Variants in TANGO2 observed in about 807,000 individuals in gnomAD.
TANGO2 encodes the protein transport and Golgi organization protein 2 homolog.
Under a neutral mutation model 39.1 loss-of-function variants are expected in TANGO2, and 26 were observed. That is an observed-to-expected ratio of 0.67 (90% confidence interval 0.49 to 0.92). The LOEUF is 0.92. Ranked by LOEUF, TANGO2 falls within the 40% of genes least tolerant of loss-of-function variation. The pLI, the probability that TANGO2 is intolerant of heterozygous loss-of-function variation, is 0.00. For synonymous variants in TANGO2, 131 were observed against 144.5 expected (o/e 0.91, Z 0.67); for missense variants, 326 against 360.1 (o/e 0.91, Z 0.77).
At chr22:20,063,297 C>T in intron 7 of TANGO2, 41 bp from the exon 8 acceptor site, 3 of 1,594,640 alleles carry the variant, frequency 1.9e-6, no homozygotes, top group Non-Finnish European at 1.7e-6. Flanking sequence ...GCGGGCGGGC[C>T]ACAGAGGGAC....
intron 1 of TANGO2, among the ~76,000 whole-genome samples, chr22:20,034,209 A>C (rs2531723): frequency 0.036 from 5,391 of 150,030 alleles, 154 homozygotes; most frequent in South Asian, 0.081. Flanking sequence ...ACAACAACAA[A>C]AAAAAACCGA....
At chr22:20,037,894 C>A (rs551531015) in intron 2 of TANGO2, among the ~76,000 whole-genome samples, 21 of 152,036 alleles carry the variant, frequency 1.4e-4, no homozygotes, top group Non-Finnish European at 2.9e-4. Flanking sequence ...TCAGGAGATC[C>A]AGACCATCCT....
In TANGO2 at chr22:20,055,836, A is replaced by C. The variant is rs16982930; in HGVS notation, c.381-107A>C. The C allele has an allele frequency of 2.5e-3, 2,509 of 1,001,192 alleles. 46 individuals are homozygous for C. In the African/African-American group the frequency reaches 0.035, roughly 14 times the overall value. The allele number at this position is 1,001,192 out of a possible 1,614,324, so 62.0% of individuals were successfully genotyped here. A position where few individuals can be genotyped will look rare whatever the true frequency, so the allele number is the denominator to read the frequency against. ...GCTCCTGACCTGGCCGCAGCGGGCT[A>C]CTGCGCACATCGCTAGCCTCCAGAA... On this transcript the variant is annotated intron_variant, in intron 5 of 8. Transcript: ENST00000327374.
chr22:20,018,780 C>T (rs967687849), upstream of TANGO2, among the ~76,000 whole-genome samples: 1 of 152,132 alleles, frequency 6.6e-6, no homozygotes, highest in African/African-American at 2.4e-5. Context: ...AGCCAGGGGT[C>T]AGAAACACAA....
intron 2 of TANGO2, among the ~76,000 whole-genome samples, chr22:20,038,864 G>A (rs1204229235): frequency 1.3e-5 from 2 of 152,038 alleles, no homozygotes; most frequent in Non-Finnish European, 2.9e-5. Context: ...TACCCAGCTA[G>A]GCTGGGCTGG....
intron 5 of TANGO2, 44 bp from the exon 6 acceptor site, chr22:20,055,899 C>T (rs753428436): frequency 3.3e-5 from 50 of 1,531,956 alleles, no homozygotes; most frequent in African/African-American, 2.5e-4. Flanking sequence ...TCGGGGAGGA[C>T]GCCCTATGGC....
intron 1 of TANGO2, among the ~76,000 whole-genome samples, chr22:20,024,506 G>T (rs1301368146): frequency 6.6e-6 from 1 of 152,254 alleles, no homozygotes; most frequent in Non-Finnish European, 1.5e-5. Context: ...CACCGCTGAT[G>T]GAGTGGGGAT....
chr22:20,048,786 A>G (rs2045747607), intron 3 of TANGO2, among the ~76,000 whole-genome samples: 1 of 152,042 alleles, frequency 6.6e-6, no homozygotes, highest in Non-Finnish European at 1.5e-5. Context: ...AGCTGGGACT[A>G]CAAGCATGCA....
intron 7 of TANGO2, chr22:20,062,871 AG>A (rs1199128703): frequency 6.4e-6 from 1 of 157,002 alleles, no homozygotes; most frequent in Non-Finnish European, 1.4e-5. Flanking sequence ...CTGTAATCCC[AG>A]CACTTTGGGA....
At chr22:20,020,123 T>A (rs555900373), upstream of TANGO2, among the ~76,000 whole-genome samples, 1 of 152,336 alleles carries the variant, frequency 6.6e-6, no homozygotes, top group Non-Finnish European at 1.5e-5. Flanking sequence ...GCTTGCCACC[T>A]TTTTCAACTT....
chr22:20,056,712 G>A (rs2147664340), intron 6 of TANGO2: 1 of 456,688 alleles, frequency 2.2e-6, no homozygotes, highest in African/African-American at 2.0e-5. Context: ...TCTTGTCCCA[G>A]GTCTGGTGCC....
intron 5 of TANGO2, 123 bp from the exon 6 acceptor site, chr22:20,055,820 C>T: frequency 2.4e-6 from 2 of 850,998 alleles, no homozygotes; most frequent in Non-Finnish European, 3.8e-6. Context: ...AGCTCCTGAC[C>T]TGGCCGCAGC....
chr22:20,046,031 C>T (rs1030752128), intron 3 of TANGO2, among the ~76,000 whole-genome samples: 1 of 152,112 alleles, frequency 6.6e-6, no homozygotes, highest in Admixed American at 6.5e-5. Context: ...GTCATATAGT[C>T]TCCTCCCTGA....
intron 3 of TANGO2, among the ~76,000 whole-genome samples, chr22:20,049,103 C>T (rs1298705855): frequency 6.6e-6 from 1 of 152,032 alleles, no homozygotes; most frequent in Non-Finnish European, 1.5e-5. Flanking sequence ...TATGTTTGGT[C>T]TATGATTTAT....
intron 6 of TANGO2, among the ~76,000 whole-genome samples, chr22:20,060,954 G>T (rs901627678): frequency 1.3e-5 from 2 of 152,112 alleles, no homozygotes; most frequent in Admixed American, 1.3e-4. Context: ...CATGCCTTCT[G>T]CCAACACTCT....
At chr22:20,024,297 A>G (rs1601796741) in intron 1 of TANGO2, among the ~76,000 whole-genome samples, 2 of 152,334 alleles carry the variant, frequency 1.3e-5, no homozygotes. Context: ...AGGAGGGAGC[A>G]GGGCATTGCA....
chr22:20,064,069 G>A (rs1362705492), intron 8 of TANGO2, among the ~76,000 whole-genome samples: 1 of 152,186 alleles, frequency 6.6e-6, no homozygotes, highest in Admixed American at 6.5e-5. Context: ...CTGAATGTTT[G>A]CTTCAGGTGG....
At position 20,060,266 on chromosome 22, in the gene TANGO2, G is replaced by A. The variant is rs534059110; in HGVS notation, c.452-1264G>A. 7.3e-5 allele frequency among the ~76,000 whole-genome samples: 11 copies of A among 150,392 alleles called. No individual in the cohort carries two copies. In the East Asian group the frequency reaches 8.0e-4, roughly 11 times the overall value. On this transcript the variant is annotated intron_variant, in intron 6 of 8. Coordinates refer to ENST00000327374, the MANE Select transcript of TANGO2 (RefSeq NM_152906.7). Reference sequence around the variant, plus strand: ...TGGGAGGCTGAGACAGGAGAATGGCGTGAACCCGGGAGGTGGAGCTTGCAG... The same window carrying A: ...TGGGAGGCTGAGACAGGAGAATGGCATGAACCCGGGAGGTGGAGCTTGCAG...
At chr22:20,051,712 G>A (rs2046372812) in intron 3 of TANGO2, among the ~76,000 whole-genome samples, 3 of 152,012 alleles carry the variant, frequency 2.0e-5, no homozygotes, top group Admixed American at 1.3e-4. Context: ...AATCAGCCGA[G>A]TGTGATGGTA....
Sources: allele counts gnomAD v4.1 joint callset (sites outside exome capture counted in the v4.1 genomes callset), GRCh38; gene constraint gnomAD v4.1.1; transcripts MANE v1.5; gene names NCBI Gene and HGNC (gene_info 2026-07-23, HGNC 2026-07-21).